The following RBFOX1 variants were observed in gnomAD, a reference collection of about 807,000 sequenced individuals.
RBFOX1 encodes the protein RNA binding protein fox-1 homolog 1.
A neutral mutation model predicts 57.7 loss-of-function variants in RBFOX1; 8 were observed. That is an observed-to-expected ratio of 0.14 (90% CI 0.08 to 0.25). The LOEUF is 0.25. Among genes scored for constraint, RBFOX1 ranks in the 10% least tolerant of loss-of-function variants. The probability of loss-of-function intolerance (pLI) is 1.00; values close to 1 mark genes in which losing one functional copy is unlikely to be tolerated. For synonymous variants in RBFOX1, 326 were observed against 222.4 expected (o/e 1.47, Z -4.15); for missense variants, 611 against 548.5 (o/e 1.11, Z -1.14).
At chr16:6,615,611 G>T (rs1024773519) in intron 2 of RBFOX1, among the ~76,000 whole-genome samples, 1 of 151,650 alleles carries the variant, frequency 6.6e-6, no homozygotes, top group Non-Finnish European at 1.5e-5. Context: ...TATGGCCACA[G>T]GAAAATTCCT....
chr16:6,954,043 A>G (rs1207827315), intron 3 of RBFOX1, among the ~76,000 whole-genome samples: 1 of 152,194 alleles, frequency 6.6e-6, no homozygotes, highest in Non-Finnish European at 1.5e-5. Flanking sequence ...TACCCCTAAT[A>G]TGGCAAGAGA....
At chr16:6,673,442 G>C (rs1259035079) in intron 3 of RBFOX1, among the ~76,000 whole-genome samples, 1 of 152,066 alleles carries the variant, frequency 6.6e-6, no homozygotes, top group African/African-American at 2.4e-5. Flanking sequence ...ACAAAAATTA[G>C]TCGGGCCTGG....
chr16:5,781,115 C>T (rs1172497234), intron 3 of RBFOX1, among the ~76,000 whole-genome samples: 1 of 152,174 alleles, frequency 6.6e-6, no homozygotes, highest in Non-Finnish European at 1.5e-5. Context: ...CTAAGGGAAC[C>T]TGTGAGATAA....
At chr16:6,900,803 T>C (rs537617806) in intron 3 of RBFOX1, among the ~76,000 whole-genome samples, 3 of 152,290 alleles carry the variant, frequency 2.0e-5, no homozygotes, top group African/African-American at 4.8e-5. Flanking sequence ...ACAATGCCAT[T>C]CCTAATATTC....
intron 4 of RBFOX1, among the ~76,000 whole-genome samples, chr16:7,295,854 G>T (rs765203998): frequency 6.6e-6 from 1 of 152,108 alleles, no homozygotes; most frequent in Non-Finnish European, 1.5e-5. Context: ...CAATTCATTT[G>T]ACCTTTATTA....
At chr16:6,509,643 T>G (rs960328833) in intron 2 of RBFOX1, among the ~76,000 whole-genome samples, 3 of 152,004 alleles carry the variant, frequency 2.0e-5, no homozygotes, top group African/African-American at 7.2e-5. Context: ...GTGACTGTAG[T>G]CAAAAAAAAT....
intron 3 of RBFOX1, among the ~76,000 whole-genome samples, chr16:5,721,160 C>G (rs569997819): frequency 6.6e-6 from 1 of 151,926 alleles, no homozygotes; most frequent in African/African-American, 2.4e-5. Context: ...TATGTTTATC[C>G]CCAAGTATTT....
intron 1 of RBFOX1, among the ~76,000 whole-genome samples, chr16:6,095,360 C>G (rs139431697): frequency 6.6e-6 from 1 of 152,292 alleles, no homozygotes; most frequent in African/African-American, 2.4e-5. Context: ...AGAGTAGGAG[C>G]TCATGAAACT....
intron 3 of RBFOX1, among the ~76,000 whole-genome samples, chr16:5,788,832 A>T (rs1354272011): frequency 1.3e-5 from 2 of 152,128 alleles, no homozygotes; most frequent in Non-Finnish European, 2.9e-5. Context: ...TAGGAAAATT[A>T]TAAGTTAAAA....
At chr16:7,157,665 A>G (rs2077428585) in intron 4 of RBFOX1, among the ~76,000 whole-genome samples, 1 of 152,186 alleles carries the variant, frequency 6.6e-6, no homozygotes, top group South Asian at 2.1e-4. Context: ...AAATGACAGT[A>G]TCTCTACACG....
At chr16:7,008,358 A>G (rs1209530552) in intron 3 of RBFOX1, among the ~76,000 whole-genome samples, 2 of 152,048 alleles carry the variant, frequency 1.3e-5, no homozygotes, top group African/African-American at 2.4e-5. Context: ...TCTGGCCAGT[A>G]TGATGAAACC....
chr16:6,939,743 C>G (rs2078026343), intron 3 of RBFOX1, among the ~76,000 whole-genome samples: 1 of 152,054 alleles, frequency 6.6e-6, no homozygotes, highest in African/African-American at 2.4e-5. Flanking sequence ...GACTCCTGGC[C>G]TCAAATGATC....
At chr16:6,614,651 C>T (rs956294397) in intron 2 of RBFOX1, among the ~76,000 whole-genome samples, 1 of 152,182 alleles carries the variant, frequency 6.6e-6, no homozygotes, top group Non-Finnish European at 1.5e-5. Context: ...GAAGTAGCCT[C>T]TTTCCTTACT....
intron 3 of RBFOX1, among the ~76,000 whole-genome samples, chr16:6,761,897 T>C (rs1470921197): frequency 1.3e-5 from 2 of 152,146 alleles, no homozygotes; most frequent in East Asian, 3.9e-4. Context: ...TTCCTCACTC[T>C]AATCCCACAT....
intron 3 of RBFOX1, among the ~76,000 whole-genome samples, chr16:5,732,776 G>A (rs1421672051): frequency 6.6e-6 from 1 of 152,186 alleles, no homozygotes; most frequent in Non-Finnish European, 1.5e-5. Flanking sequence ...GGGGAGGACA[G>A]TGGAGAACAA....
intron 3 of RBFOX1, among the ~76,000 whole-genome samples, chr16:6,851,262 C>T (rs948781539): frequency 6.6e-5 from 10 of 152,028 alleles, no homozygotes; most frequent in Non-Finnish European, 1.3e-4. Context: ...TGCGTGGTTG[C>T]CGGGGTCAGG....
At chr16:6,905,637 C>T (rs910940495) in intron 3 of RBFOX1, among the ~76,000 whole-genome samples, 5 of 152,034 alleles carry the variant, frequency 3.3e-5, no homozygotes, top group Non-Finnish European at 7.3e-5. Flanking sequence ...TCCAATTTTC[C>T]CCGTTTAGCA....
At chr16:5,292,692 C>T (rs1310407517) in intron 1 of RBFOX1, among the ~76,000 whole-genome samples, 5 of 152,008 alleles carry the variant, frequency 3.3e-5, no homozygotes, top group Admixed American at 6.6e-5. Flanking sequence ...GGCACGATCT[C>T]GGCTCACTGC....
chr16:7,197,514 C>T (rs1236686033), intron 4 of RBFOX1, among the ~76,000 whole-genome samples: 2 of 150,270 alleles, frequency 1.3e-5, no homozygotes, highest in African/African-American at 2.5e-5. Flanking sequence ...AACTGTGTGG[C>T]CATGCCTTAA....
Sources: gnomAD v4.1 joint callset for allele counts (sites outside exome capture counted in the v4.1 genomes callset) on GRCh38, gnomAD v4.1.1 for gene constraint, MANE v1.5 for transcripts, NCBI Gene and HGNC (gene_info 2026-07-23, HGNC 2026-07-21) for gene names.